The following GUCY2C variants were observed in gnomAD, a reference collection of about 807,000 sequenced individuals.
The protein encoded by GUCY2C is guanylyl cyclase C.
GUCY2C carries 118 observed loss-of-function variants against 131.1 expected under a neutral mutation model. The ratio of observed to expected loss-of-function variants is 0.90; its 90% CI spans 0.78 to 1.05. The LOEUF (loss-of-function observed/expected upper bound fraction) is 1.05. Ranked by LOEUF, GUCY2C falls within the 50% of genes least tolerant of loss-of-function variation. The pLI is 0.00. For synonymous variants in GUCY2C, 452 were observed against 457.8 expected (o/e 0.99, Z 0.16); for missense variants, 1,161 against 1,304.4 (o/e 0.89, Z 1.69).
chr12:14,676,921 A>G lies in GUCY2C; in HGVS notation c.881T>C (p.Val294Ala). The G allele has an allele frequency of 1.3e-6, 2 of 1,576,746 alleles. No individual in the cohort carries two copies. Among genetic ancestry groups the G allele is most frequent in the East Asian group, 2.3e-5 (1 of 44,400 alleles). The part of the protein sequence containing the change: ...NVTAPDYMKN[V>A]LVLTLSPGNS... ...CCCAGGAGACAGCGTCAGAACAAGG[A>G]CATTTTTCATATAGTCAGGGGCTGT... is the stretch of plus-strand genomic sequence containing the variant. The change falls in exon 7 of 27, where the codon GTC (valine) becomes GCC (alanine). Residue 294 changes from valine to alanine, a missense_variant. Physicochemically the swap from Val to Ala is moderately conservative, Grantham distance 64. Coordinates refer to ENST00000261170, the MANE Select transcript of GUCY2C (RefSeq NM_004963.4).
At chr12:14,681,592 C>T in intron 4 of GUCY2C, 115 bp from the exon 5 acceptor site, 4 of 833,164 alleles carry the variant, frequency 4.8e-6, no homozygotes, top group Non-Finnish European at 7.8e-6. Flanking sequence ...TTCATTTCTG[C>T]TATTAACACA....
chr12:14,660,102 T>C (rs1240040288), intron 11 of GUCY2C, among the ~76,000 whole-genome samples: 7 of 152,178 alleles, frequency 4.6e-5, no homozygotes, highest in Non-Finnish European at 1.0e-4. Flanking sequence ...CTTCCTTTTC[T>C]GGAGAAAACA....
intron 10 of GUCY2C, chr12:14,666,091 T>G (rs1947973907): frequency 6.6e-6 from 1 of 152,218 alleles, no homozygotes; most frequent in Non-Finnish European, 1.5e-5. Context: ...CAGGAGGCGG[T>G]GTCTGATTTA....
In GUCY2C at chr12:14,645,303, C is replaced by A; in HGVS notation, c.1723G>T (p.Asp575Tyr). 1.3e-6 allele frequency: 2 copies of A among 1,568,418 alleles called. No homozygotes were observed. Among genetic ancestry groups the A allele is most frequent in the South Asian group, 2.2e-5 (2 of 89,830 alleles). Reference protein sequence around the residue: ...ERGSLREVLNDTISYPDGTFM... With the variant: ...ERGSLREVLNYTISYPDGTFM... ...GTGCCATCAGGGTAGGAAATTGTGT[C>A]ATTTAAAACTTCCTGAATAGGAAAA... The change falls in exon 16 of 27, where the codon GAC (aspartate) becomes TAC (tyrosine). Residue 575 changes from aspartate to tyrosine, a missense_variant. Asp to Tyr is a radical substitution (Grantham distance 160). Coordinates refer to ENST00000261170, the MANE Select transcript of GUCY2C (RefSeq NM_004963.4).
chr12:14,628,558 A>G (rs777780631), intron 20 of GUCY2C, 88 bp downstream of exon 20: 2 of 771,654 alleles, frequency 2.6e-6, no homozygotes, highest in Non-Finnish European at 4.7e-6. Context: ...TGGAATAGAC[A>G]TTCTCATTCT....
chr12:14,624,385 G>A (rs1466159872), intron 21 of GUCY2C, among the ~76,000 whole-genome samples: 1 of 152,218 alleles, frequency 6.6e-6, no homozygotes, highest in Non-Finnish European at 1.5e-5. Context: ...AGGTTGCAGT[G>A]AGCTGAGCTC....
chr12:14,676,911 C>A lies in GUCY2C; in HGVS notation c.891G>T (p.Leu297=), dbSNP rs1366037917. The A allele has an allele frequency of 6.3e-7, 1 of 1,575,712 alleles. No homozygotes were observed. Among genetic ancestry groups the A allele is most frequent in the South Asian group, 1.2e-5 (1 of 85,638 alleles). Residue 297 remains leucine, a synonymous_variant, in exon 7 of 27, where the codon CTG becomes CTT. Transcript: ENST00000261170. ...APDYMKNVLV[L]TLSPGNSLLN... The stretch of plus-strand genomic sequence containing the variant: ...GAAGGGAATTCCCAGGAGACAGCGT[C>A]AGAACAAGGACATTTTTCATATAGT...
At chr12:14,682,425 C>A (rs1948365808) in intron 4 of GUCY2C, among the ~76,000 whole-genome samples, 1 of 152,148 alleles carries the variant, frequency 6.6e-6, no homozygotes, top group South Asian at 2.1e-4. Flanking sequence ...CCTTGCTTGT[C>A]CTTCGCCTTC....
intron 19 of GUCY2C, among the ~76,000 whole-genome samples, chr12:14,637,392 T>C (rs2137011918): frequency 6.6e-6 from 1 of 152,230 alleles, no homozygotes; most frequent in East Asian, 1.9e-4. Flanking sequence ...AATGTAATCC[T>C]ATCAAAATAC....
At chr12:14,615,741 G>A (rs547253873) in intron 25 of GUCY2C, among the ~76,000 whole-genome samples, 1 of 151,868 alleles carries the variant, frequency 6.6e-6, no homozygotes, top group African/African-American at 2.4e-5. Flanking sequence ...CTATTTTGGG[G>A]TAAGTGTTCT....
chr12:14,657,758 C>G (rs1459748238), intron 11 of GUCY2C, among the ~76,000 whole-genome samples: 2 of 152,110 alleles, frequency 1.3e-5, no homozygotes, highest in Non-Finnish European at 2.9e-5. Flanking sequence ...AAAACTCTCC[C>G]CACCCCCAAA....
intron 2 of GUCY2C, 63 bp from the exon 3 acceptor site, chr12:14,686,288 G>C: frequency 8.4e-7 from 1 of 1,188,984 alleles, no homozygotes; most frequent in Non-Finnish European, 1.2e-6. Flanking sequence ...GGACAGGAAA[G>C]AAGTAGCAAG....
intron 24 of GUCY2C, among the ~76,000 whole-genome samples, chr12:14,618,678 G>A (rs891832527): frequency 1.3e-5 from 2 of 152,084 alleles, no homozygotes; most frequent in African/African-American, 4.8e-5. Context: ...GTATGTTCCT[G>A]TAGTCCCAGG....
At chr12:14,693,289 G>T (rs1263115497) in intron 1 of GUCY2C, among the ~76,000 whole-genome samples, 2 of 152,102 alleles carry the variant, frequency 1.3e-5, no homozygotes, top group African/African-American at 4.8e-5. Context: ...TGGTGCTAGG[G>T]TCTAGGAGTG....
At chr12:14,645,116 C>T (rs1947493798) in intron 16 of GUCY2C, 113 bp downstream of exon 16, 3 of 637,864 alleles carry the variant, frequency 4.7e-6, no homozygotes. Context: ...TATGACATAG[C>T]TATTATTATC....
intron 23 of GUCY2C, 93 bp downstream of exon 23, chr12:14,620,949 C>G: frequency 1.0e-6 from 1 of 957,906 alleles, no homozygotes; most frequent in Non-Finnish European, 1.6e-6. Flanking sequence ...TATGTGAGGT[C>G]GATCACACTT....
At chr12:14,618,945 C>T (rs1042283321) in intron 24 of GUCY2C, among the ~76,000 whole-genome samples, 2 of 151,912 alleles carry the variant, frequency 1.3e-5, no homozygotes, top group Non-Finnish European at 2.9e-5. Flanking sequence ...AGTAGAATAT[C>T]CCCAGATTCA....
intron 12 of GUCY2C, among the ~76,000 whole-genome samples, chr12:14,655,915 T>C (rs1947753399): frequency 6.6e-6 from 1 of 152,184 alleles, no homozygotes; most frequent in Non-Finnish European, 1.5e-5. Flanking sequence ...TACTCATTAG[T>C]TGTATGTGTC....
chr12:14,672,074 T>C (rs1456406002), intron 9 of GUCY2C, among the ~76,000 whole-genome samples: 1 of 15,916 alleles, frequency 6.3e-5, no homozygotes, highest in Non-Finnish European at 1.2e-4. Flanking sequence ...ACACTCACAT[T>C]GGAAAATGAA....
Sources: allele counts gnomAD v4.1 joint callset (sites outside exome capture counted in the v4.1 genomes callset), GRCh38; gene constraint gnomAD v4.1.1; transcripts MANE v1.5; gene names NCBI Gene and HGNC (gene_info 2026-07-23, HGNC 2026-07-21).